The following DHODH variants were observed in gnomAD, a reference collection of about 807,000 sequenced individuals.
DHODH encodes the protein dihydroorotate dehydrogenase (quinone).
A neutral mutation model predicts 39.7 loss-of-function variants in DHODH; 30 were observed. The ratio of observed to expected loss-of-function variants is 0.76; its 90% confidence interval spans 0.57 to 1.02. The LOEUF is 1.02. Ranked by LOEUF, DHODH falls within the 50% of genes least tolerant of loss-of-function variation. The probability of loss-of-function intolerance (pLI) is 0.00; values close to 1 mark genes in which losing one functional copy is unlikely to be tolerated. For missense variants in DHODH, 531 were observed against 520.8 expected (o/e 1.02, Z -0.19); for synonymous variants, 222 against 213.8 (o/e 1.04, Z -0.34).
In DHODH at chr16:72,022,345, G is replaced by A; in HGVS notation, c.706-17G>A. On this transcript the variant is annotated splice_polypyrimidine_tract_variant and intron_variant, in intron 5 of 8. Transcript: ENST00000219240. ...GTGGTCTGCGGGGTCCCCAGCTCTG[G>A]CCGTGTGTCGCCCTAGGTGCTGCAG... 6.5e-7 allele frequency: 1 copy of A among 1,547,486 alleles called. No individual in the cohort carries two copies. Among genetic ancestry groups the A allele is most frequent in the Non-Finnish European group, 8.7e-7 (1 of 1,144,768 alleles).
At chr16:72,009,157 T>G in intron 1 of DHODH, 2 of 1,116,622 alleles carry the variant, frequency 1.8e-6, no homozygotes, top group Non-Finnish European at 1.1e-6. Context: ...GGTAAAGTTT[T>G]GTTAGGGGCG....
At chr16:72,016,442 T>C (rs981944716) in intron 3 of DHODH, 6 of 167,772 alleles carry the variant, frequency 3.6e-5, no homozygotes, top group African/African-American at 1.4e-4. Flanking sequence ...ATGAGAGAAG[T>C]ATGAGATGTT....
chr16:72,022,336 C>T (rs1293958730), intron 5 of DHODH, 26 bp from the exon 6 acceptor site: 1 of 1,534,176 alleles, frequency 6.5e-7, no homozygotes, highest in African/African-American at 1.4e-5. Flanking sequence ...TGCGGGGTCC[C>T]CAGCTCTGGC....
intron 3 of DHODH, chr16:72,016,638 T>A (rs1003834609): frequency 3.5e-5 from 12 of 343,972 alleles, no homozygotes; most frequent in Non-Finnish European, 6.3e-5. Flanking sequence ...AGAGGTGATT[T>A]TCAGACAGAA....
chr16:72,009,260 T>C, intron 1 of DHODH: 4 of 394,640 alleles, frequency 1.0e-5, no homozygotes, highest in Non-Finnish European at 1.4e-5. Flanking sequence ...TCCCAGCACT[T>C]TGGGAGGCCG....
intron 4 of DHODH, 37 bp from the exon 5 acceptor site, chr16:72,021,087 G>C (rs892046171): frequency 1.9e-6 from 3 of 1,567,052 alleles, no homozygotes; most frequent in African/African-American, 1.4e-5. Flanking sequence ...ACAGGAAAGG[G>C]TGTGCGGGGT....
At chr16:72,019,651 T>G (rs2041181317) in intron 4 of DHODH, among the ~76,000 whole-genome samples, 1 of 152,202 alleles carries the variant, frequency 6.6e-6, no homozygotes, top group Non-Finnish European at 1.5e-5. Context: ...TGCTTACATG[T>G]AAACTGAGAC....
rs375750299 is a variant in DHODH at position 72,024,166 on chromosome 16, C to A, written c.1155C>A (p.Val385=). The change falls in exon 9 of 9, where the codon GTC becomes GTA. Residue 385 remains valine (V), a synonymous_variant. Coordinates refer to ENST00000219240, the MANE Select transcript of DHODH (RefSeq NM_001361.5). ...ALLKEQGFGG[V]TDAIGADHRR ...CCAGAGAGCAGGGCTTTGGCGGAGT[C>A]ACAGATGCCATTGGAGCAGATCATC... 3.1e-6 allele frequency: 5 copies of A among 1,614,076 alleles called. No homozygotes were observed. Among genetic ancestry groups the A allele is most frequent in the Non-Finnish European group, 4.2e-6 (5 of 1,180,048 alleles).
intron 2 of DHODH, among the ~76,000 whole-genome samples, 181 bp downstream of exon 2, chr16:72,012,443 G>A (rs545102411): frequency 3.9e-5 from 6 of 152,140 alleles, no homozygotes; most frequent in Non-Finnish European, 5.9e-5. Context: ...TATCTATTAC[G>A]TATATGGGAT....
rs548193324 is a variant in DHODH, at chr16:72,022,473, G to A, written c.817G>A (p.Glu273Lys). 1.3e-6 allele frequency: 2 copies of A among 1,551,590 alleles called. No homozygotes were observed. The highest frequency in any genetic ancestry group is 2.7e-5 in the African/African-American group (2 of 73,302). ...DKEDIASVVKELGIDGLIVTN... is the reference protein window; with the variant it reads ...DKEDIASVVKKLGIDGLIVTN... ...GGAGGACATTGCCAGTGTGGTCAAA[G>A]AGGTTTGAGTCGGGGCCTGGGCCCA... is the stretch of plus-strand genomic sequence containing the variant. Residue 273 changes from glutamate (E) to lysine (K), a missense_variant and splice_region_variant, in exon 6 of 9, where the codon GAG (glutamate) becomes AAG (lysine). Transcript: ENST00000219240.
At position 72,012,169 on chromosome 16, in the gene DHODH, G is replaced by A. The variant is rs1476879411; in HGVS notation, c.141G>A (p.Gly47=). 1 of 1,614,142 alleles carries A rather than the reference G, an allele frequency of 6.2e-7. No homozygotes were observed. The highest frequency in any genetic ancestry group is 8.5e-7 in the Non-Finnish European group (1 of 1,180,032). The change falls in exon 2 of 9, where the codon GGG becomes GGA. Residue 47 remains glycine (G), a synonymous_variant. Coordinates refer to ENST00000219240, the MANE Select transcript of DHODH (RefSeq NM_001361.5). ...YAEHLMPTLQ[G]LLDPESAHRL... is the part of the protein sequence containing the mutation. Reference sequence around the variant, plus strand: ...AACACCTGATGCCGACTCTGCAGGGGCTGCTGGACCCGGAGTCAGCCCACA... The same window carrying A: ...AACACCTGATGCCGACTCTGCAGGGACTGCTGGACCCGGAGTCAGCCCACA...
chr16:72,011,989 G>C, intron 1 of DHODH, 61 bp from the exon 2 acceptor site: 1 of 1,419,412 alleles, frequency 7.0e-7, no homozygotes, highest in Admixed American at 1.7e-5. Context: ...GGGTGTGAAG[G>C]GCTCAGGAAG....
intron 3 of DHODH, chr16:72,016,149 A>G (rs1187985908): frequency 6.6e-6 from 1 of 152,370 alleles, no homozygotes; most frequent in African/African-American, 2.4e-5. Context: ...GCCCAAGAGC[A>G]GAAAGGAAAA....
intron 5 of DHODH, among the ~76,000 whole-genome samples, chr16:72,021,519 C>T (rs1410918649): frequency 6.6e-6 from 1 of 152,190 alleles, no homozygotes; most frequent in Non-Finnish European, 1.5e-5. Flanking sequence ...TTATCTGTCC[C>T]TGCTGCTATA....
rs756693309 is a variant in DHODH at position 72,012,102 on chromosome 16, C to A, written c.74C>A (p.Ala25Asp). 6.2e-7 allele frequency: 1 copy of A among 1,614,184 alleles called. No individual in the cohort carries two copies. The highest frequency in any genetic ancestry group is 8.5e-7 in the Non-Finnish European group (1 of 1,180,026). ...IILGGGGLLF[A>D]SYLMATGDER... The stretch of plus-strand genomic sequence containing the variant: ...CTGGGGGGAGGAGGACTTCTCTTCG[C>A]CTCCTACCTGATGGCCACGGGAGAT... Residue 25 changes from alanine to aspartate, a missense_variant, in exon 2 of 9, where the codon GCC (alanine) becomes GAC (aspartate). Coordinates refer to ENST00000219240, the MANE Select transcript of DHODH (RefSeq NM_001361.5).
At chr16:72,011,985 G>A in intron 1 of DHODH, 65 bp from the exon 2 acceptor site, 1 of 1,386,950 alleles carries the variant, frequency 7.2e-7, no homozygotes. Flanking sequence ...ACCTGGGTGT[G>A]AAGGGCTCAG....
At chr16:72,020,985 C>T (rs1471772379) in intron 4 of DHODH, 139 bp from the exon 5 acceptor site, 13 of 860,618 alleles carry the variant, frequency 1.5e-5, no homozygotes, top group Non-Finnish European at 2.3e-5. Flanking sequence ...AGTTGAGCAC[C>T]TGTCAGCCGG....
intron 7 of DHODH, 38 bp downstream of exon 7, chr16:72,023,356 T>C (rs372167374): frequency 6.2e-6 from 10 of 1,613,990 alleles, no homozygotes; most frequent in Admixed American, 1.7e-5. Flanking sequence ...GATCTGCGTG[T>C]GGCTTGGGCT....
intron 7 of DHODH, 60 bp downstream of exon 7, chr16:72,023,378 A>T (rs1655867762): frequency 1.2e-6 from 2 of 1,613,606 alleles, no homozygotes; most frequent in African/African-American, 2.7e-5. Flanking sequence ...CTGGGTCGTG[A>T]TGGGAATCAT....
Sources: gnomAD v4.1 joint callset for allele counts (sites outside exome capture counted in the v4.1 genomes callset) on GRCh38, gnomAD v4.1.1 for gene constraint, MANE v1.5 for transcripts, NCBI Gene and HGNC (gene_info 2026-07-23, HGNC 2026-07-21) for gene names.